Variants in SLC39A10 observed in about 807,000 individuals in gnomAD.
SLC39A10 encodes the protein zinc transporter ZIP10.
Under a neutral mutation model 65.1 loss-of-function variants are expected in SLC39A10, and 13 were observed. The observed-to-expected ratio is 0.20, with a 90% confidence interval of 0.13 to 0.32. The LOEUF (loss-of-function observed/expected upper bound fraction) is 0.32. SLC39A10 is among the 10% of genes least tolerant of loss of function. The probability of loss-of-function intolerance (pLI) is 1.00; values close to 1 mark genes in which losing one functional copy is unlikely to be tolerated. For missense variants in SLC39A10, 831 were observed against 1,018.4 expected, an observed-to-expected ratio of 0.82 and a Z score of 2.50; for synonymous variants, 321 against 342.2, an observed-to-expected ratio of 0.94 and a Z score of 0.68.
chr2:195,647,679 C>T (rs959118030), intron 2 of SLC39A10, among the ~76,000 whole-genome samples: 3 of 111,226 alleles, frequency 2.7e-5, no homozygotes, highest in African/African-American at 1.1e-4. Flanking sequence ...CTGTAATTAT[C>T]TCTTTAATTA....
intron 1 of SLC39A10, chr2:195,658,038 A>C (rs1044159964): frequency 3.3e-5 from 5 of 152,376 alleles, no homozygotes; most frequent in African/African-American, 1.2e-4. Flanking sequence ...GCGCGGCCGC[A>C]CGGCTTTGTT....
chr2:195,630,873 G>A (rs1574203586), intron 2 of SLC39A10, among the ~76,000 whole-genome samples: 2 of 152,154 alleles, frequency 1.3e-5, no homozygotes, highest in African/African-American at 4.8e-5. Context: ...TTGGCCCCAA[G>A]CTGTACAGCT....
At chr2:195,678,406 G>T (rs1168887782) in intron 1 of SLC39A10, among the ~76,000 whole-genome samples, 1 of 152,028 alleles carries the variant, frequency 6.6e-6, no homozygotes, top group Non-Finnish European at 1.5e-5. Flanking sequence ...TAGGAGTTTG[G>T]CTGCTGTTAT....
chr2:195,647,142 T>G (rs942262104), intron 2 of SLC39A10, among the ~76,000 whole-genome samples: 2 of 152,224 alleles, frequency 1.3e-5, no homozygotes, highest in African/African-American at 4.8e-5. Flanking sequence ...TTAGCAACTT[T>G]AATTCCATCT....
intron 2 of SLC39A10, among the ~76,000 whole-genome samples, chr2:195,632,543 G>T (rs1373876214): frequency 6.6e-6 from 1 of 151,282 alleles, no homozygotes; most frequent in East Asian, 2.0e-4. Context: ...CCTGACCTAA[G>T]GTGATCCACC....
At chr2:195,613,496 GA>G (rs1688142075) in intron 2 of SLC39A10, among the ~76,000 whole-genome samples, 1 of 152,112 alleles carries the variant, frequency 6.6e-6, no homozygotes, top group Non-Finnish European at 1.5e-5. Flanking sequence ...TTAAAATTTT[GA>G]AAGTGCTTAG....
chr2:195,632,569 A>G (rs1688610901), intron 2 of SLC39A10, among the ~76,000 whole-genome samples: 3 of 151,868 alleles, frequency 2.0e-5, no homozygotes, highest in Admixed American at 2.0e-4. Flanking sequence ...TGGCCTCCCA[A>G]ACTGCTGGGA....
intron 1 of SLC39A10, among the ~76,000 whole-genome samples, chr2:195,662,859 ATACTT>A (rs1395497294): frequency 1.3e-5 from 2 of 152,234 alleles, no homozygotes; most frequent in African/African-American, 4.8e-5. Flanking sequence ...TTGCGGTAAA[ATACTT>A]TAGTAGAAAA....
intron 2 of SLC39A10, among the ~76,000 whole-genome samples, chr2:195,630,576 G>T (rs1688566137): frequency 6.6e-6 from 1 of 152,156 alleles, no homozygotes; most frequent in African/African-American, 2.4e-5. Flanking sequence ...TAGAAGAAGG[G>T]CAAGAGAAGG....
intron 2 of SLC39A10, among the ~76,000 whole-genome samples, chr2:195,649,790 C>G (rs16838152): frequency 6.6e-6 from 1 of 152,118 alleles, no homozygotes; most frequent in Non-Finnish European, 1.5e-5. Context: ...GAGTTGCAAA[C>G]GACCTAAAAT....
chr2:195,734,397 A>C (rs1465972575), intron 9 of SLC39A10, among the ~76,000 whole-genome samples: 1 of 151,918 alleles, frequency 6.6e-6, no homozygotes, highest in African/African-American at 2.4e-5. Flanking sequence ...TCCTGACCCC[A>C]TGATCCGCCC....
At chr2:195,673,157 T>C (rs1283010368) in intron 1 of SLC39A10, among the ~76,000 whole-genome samples, 1 of 152,224 alleles carries the variant, frequency 6.6e-6, no homozygotes, top group African/African-American at 2.4e-5. Context: ...AGATAGATCA[T>C]AACATTCAGT....
intron 9 of SLC39A10, among the ~76,000 whole-genome samples, chr2:195,734,246 C>G (rs1692515570): frequency 6.6e-6 from 1 of 150,914 alleles, no homozygotes; most frequent in Admixed American, 6.6e-5. Flanking sequence ...TCTCAGCTCA[C>G]TGCAACCTTT....
chr2:195,733,330 T>G (rs1034708272), intron 9 of SLC39A10, among the ~76,000 whole-genome samples: 1 of 152,216 alleles, frequency 6.6e-6, no homozygotes, highest in Non-Finnish European at 1.5e-5. Flanking sequence ...AAGTAAAAAT[T>G]GGAAGTAGCA....
At position 195,682,849 on chromosome 2, in the gene SLC39A10, AT is replaced by A. The variant is rs1312181903; in HGVS notation, c.1009-849del. 4.2e-4 allele frequency among the ~76,000 whole-genome samples: 63 copies of A among 149,114 alleles called. 1 individual carries two copies. In the East Asian group the frequency reaches 0.01, roughly 24 times the overall value. ...ATTAAGTGGTGCTAAATAGAAAAAAATAAAAAATAAAAAAAAAAAACTAAGA... is the reference window on the plus strand; with the variant it reads ...ATTAAGTGGTGCTAAATAGAAAAAAAAAAAAATAAAAAAAAAAAACTAAGA... On this transcript the variant is annotated intron_variant, in intron 2 of 9. Transcript: ENST00000359634.
intron 2 of SLC39A10, among the ~76,000 whole-genome samples, chr2:195,682,940 A>T (rs1169031045): frequency 6.6e-6 from 1 of 151,926 alleles, no homozygotes; most frequent in African/African-American, 2.4e-5. Flanking sequence ...TTGGTGCCAT[A>T]GATAAAGCCA....
At position 195,675,548 on chromosome 2, in the gene SLC39A10, C is replaced by T. The variant is rs142231071; in HGVS notation, c.-11-4484C>T. ...CTTCCCGGGTTCATGCCATTCTCCT[C>T]AGCCTCCCGAGTAGCTCGTACTACA... On this transcript the variant is annotated intron_variant, in intron 1 of 9. Coordinates refer to ENST00000359634, the MANE Select transcript of SLC39A10 (RefSeq NM_020342.3). 3.1e-3 allele frequency among the ~76,000 whole-genome samples: 477 copies of T among 152,316 alleles called. 1 individual carries two copies. The highest frequency in any genetic ancestry group is 0.011 in the African/African-American group (463 of 41,572).
At chr2:195,694,616 C>G (rs147767528) in intron 3 of SLC39A10, among the ~76,000 whole-genome samples, 9 of 152,268 alleles carry the variant, frequency 5.9e-5, no homozygotes, top group African/African-American at 2.2e-4. Flanking sequence ...TCAGGTCTGT[C>G]AGCTGTGGAT....
chr2:195,635,388 C>T (rs149058421), intron 2 of SLC39A10, among the ~76,000 whole-genome samples: 1,824 of 152,228 alleles, frequency 0.012, 38 homozygotes, highest in African/African-American at 0.041. Flanking sequence ...AACCTGGGAG[C>T]CCTGAGATCC....
Sources: allele counts gnomAD v4.1 joint callset (sites outside exome capture counted in the v4.1 genomes callset), GRCh38; gene constraint gnomAD v4.1.1; transcripts MANE v1.5; gene names NCBI Gene and HGNC (gene_info 2026-07-23, HGNC 2026-07-21).